Variants in TNFRSF19 observed in about 807,000 individuals in gnomAD.
TNFRSF19 encodes TNF receptor superfamily member 19, also known as tumor necrosis factor receptor superfamily member 19.
TNFRSF19 carries 27 observed loss-of-function variants against 46.4 expected under a neutral mutation model. That is an observed-to-expected ratio of 0.58 (90% CI 0.43 to 0.80). The LOEUF is 0.80. TNFRSF19 is among the 30% of genes least tolerant of loss of function. The pLI is 0.00. For missense variants in TNFRSF19, 511 were observed against 530.8 expected (o/e 0.96, Z 0.37); for synonymous variants, 204 against 205.0 (o/e 1.00, Z 0.04).
intron 3 of TNFRSF19, among the ~76,000 whole-genome samples, chr13:23,609,470 G>A (rs570726125): frequency 1.1e-3 from 168 of 152,134 alleles, no homozygotes; most frequent in African/African-American, 3.6e-3. Flanking sequence ...CCTAGAATTC[G>A]CCCAGCCCCA....
Position 23,668,672 on chromosome 13 carries a change from T to C in TNFRSF19, c.840-20T>C, listed in dbSNP as rs913237172. On this transcript the variant is annotated intron_variant, in intron 8 of 9. Transcript: ENST00000248484. ...TTTCTCCCCATCAAAAACTTTAAGTTCTTTTGAACGTGTGTGCAGAAACGC... is the reference window on the plus strand; with the variant it reads ...TTTCTCCCCATCAAAAACTTTAAGTCCTTTTGAACGTGTGTGCAGAAACGC... The C allele has an allele frequency of 6.3e-7, 1 of 1,590,270 alleles. No homozygotes were observed. Among genetic ancestry groups the C allele is most frequent in the African/African-American group, 1.4e-5 (1 of 73,946 alleles).
chr13:23,600,839 C>A (rs2138210029), intron 3 of TNFRSF19, among the ~76,000 whole-genome samples: 1 of 152,264 alleles, frequency 6.6e-6, no homozygotes, highest in South Asian at 2.1e-4. Context: ...TTACTAAAGG[C>A]CTGTTTATAG....
intron 4 of TNFRSF19, among the ~76,000 whole-genome samples, chr13:23,626,451 T>A (rs1882016473): frequency 6.6e-6 from 1 of 152,076 alleles, no homozygotes; most frequent in African/African-American, 2.4e-5. Flanking sequence ...TGACTTTATA[T>A]TCCCCCACCT....
chr13:23,672,261 C>A (rs1593308480), intron 9 of TNFRSF19, among the ~76,000 whole-genome samples: 1 of 152,200 alleles, frequency 6.6e-6, no homozygotes, highest in Non-Finnish European at 1.5e-5. Flanking sequence ...TTCCTATACA[C>A]ATCTCTCCAG....
intron 1 of TNFRSF19, among the ~76,000 whole-genome samples, chr13:23,589,005 G>T (rs534727583): frequency 9.1e-4 from 138 of 152,338 alleles, no homozygotes; most frequent in African/African-American, 3.2e-3. Flanking sequence ...AGCGGAGGCA[G>T]CTCTGCCCCC....
chr13:23,628,782 C>CAT (rs1027836631), intron 5 of TNFRSF19, among the ~76,000 whole-genome samples: 5 of 151,646 alleles, frequency 3.3e-5, no homozygotes, highest in African/African-American at 1.2e-4. Context: ...TATATATATA[C>CAT]ATATATATGT....
At chr13:23,660,640 TC>T (rs1884306182) in intron 7 of TNFRSF19, 150 bp downstream of exon 7, 2 of 916,106 alleles carry the variant, frequency 2.2e-6, no homozygotes, top group South Asian at 5.5e-5. Flanking sequence ...TTCTCCACCA[TC>T]TCCTGTTGGT....
rs1023523272 is a variant in TNFRSF19 at position 23,633,979 on chromosome 13, A to G, written c.445+7187A>G. On this transcript the variant is annotated intron_variant, in intron 5 of 9. Transcript: ENST00000248484. ...AATTGGTTTATATAATTATTTAGCTATTTCAAACACTTATTCTCCAGATAT... is the reference window on the plus strand; with the variant it reads ...AATTGGTTTATATAATTATTTAGCTGTTTCAAACACTTATTCTCCAGATAT... Among the ~76,000 whole-genome samples, 7 of 152,242 alleles carry G rather than the reference A, an allele frequency of 4.6e-5. 1 individual carries two copies. Among genetic ancestry groups the G allele is most frequent in the Middle Eastern group, 6.3e-3 (2 of 316 alleles).
chr13:23,614,040 C>T (rs1881080857), intron 3 of TNFRSF19, among the ~76,000 whole-genome samples: 1 of 152,200 alleles, frequency 6.6e-6, no homozygotes, highest in South Asian at 2.1e-4. Context: ...TCCCTGTTAA[C>T]AATTTTAAAG....
chr13:23,607,369 G>A (rs1880581000), intron 3 of TNFRSF19, among the ~76,000 whole-genome samples: 1 of 152,148 alleles, frequency 6.6e-6, no homozygotes, highest in African/African-American at 2.4e-5. Context: ...GGGAGGCAGA[G>A]TTGTGGTGAG....
At chr13:23,633,076 G>C (rs990227807) in intron 5 of TNFRSF19, among the ~76,000 whole-genome samples, 2 of 151,680 alleles carry the variant, frequency 1.3e-5, no homozygotes, top group East Asian at 3.9e-4. Context: ...CCCCAAAAAG[G>C]GGTGCAGGGA....
At chr13:23,626,508 A>G (rs545165872) in intron 4 of TNFRSF19, among the ~76,000 whole-genome samples, 199 bp from the exon 5 acceptor site, 2 of 152,098 alleles carry the variant, frequency 1.3e-5, no homozygotes, top group South Asian at 2.1e-4. Flanking sequence ...AGCATCTGCA[A>G]AGTTACGTTT....
At chr13:23,583,656 A>T (rs1878621707) in intron 1 of TNFRSF19, among the ~76,000 whole-genome samples, 2 of 152,242 alleles carry the variant, frequency 1.3e-5, no homozygotes, top group Admixed American at 1.3e-4. Context: ...GATTGGTCAC[A>T]TATGTGGAAA....
At chr13:23,630,882 A>C (rs1018150000) in intron 5 of TNFRSF19, among the ~76,000 whole-genome samples, 1 of 152,150 alleles carries the variant, frequency 6.6e-6, no homozygotes. Context: ...ACTTTATTTA[A>C]GTATGTTTAA....
intron 1 of TNFRSF19, among the ~76,000 whole-genome samples, chr13:23,582,502 G>A (rs909716354): frequency 3.3e-5 from 5 of 152,108 alleles, no homozygotes; most frequent in African/African-American, 4.8e-5. Flanking sequence ...CACTGTCTCC[G>A]ATAAATATTA....
intron 5 of TNFRSF19, among the ~76,000 whole-genome samples, chr13:23,638,290 A>T (rs1199485503): frequency 8.1e-6 from 1 of 123,984 alleles, no homozygotes; most frequent in African/African-American, 2.7e-5. Context: ...AATTGTTTTC[A>T]ATGTTAATGA....
In TNFRSF19 at chr13:23,577,862, T is replaced by C. The variant is rs147734447; in HGVS notation, c.-35+7014T>C. Among the ~76,000 whole-genome samples, 47 of 152,080 alleles carry C rather than the reference T, an allele frequency of 3.1e-4. No homozygotes were observed. In the East Asian group the frequency reaches 7.2e-3, roughly 23 times the overall value. On this transcript the variant is annotated intron_variant, in intron 1 of 9. Transcript: ENST00000248484. ...ATTCTTTACAGTGAGGAACCTCCTG[T>C]GACTCTTCAGCCTGACAGTAGCAGT... is the stretch of plus-strand genomic sequence containing the variant.
chr13:23,670,411 A>T (rs1951739844), intron 9 of TNFRSF19, among the ~76,000 whole-genome samples: 1 of 152,182 alleles, frequency 6.6e-6, no homozygotes, highest in Non-Finnish European at 1.5e-5. Context: ...AATTGGTTTC[A>T]TTCTCAAAAC....
At chr13:23,651,786 C>T (rs1323000160) in intron 5 of TNFRSF19, among the ~76,000 whole-genome samples, 3 of 141,332 alleles carry the variant, frequency 2.1e-5, no homozygotes, top group African/African-American at 7.9e-5. Flanking sequence ...AGCTGATTAA[C>T]TAGAATATAC....
Sources: gnomAD v4.1 joint callset for allele counts (sites outside exome capture counted in the v4.1 genomes callset) on GRCh38, gnomAD v4.1.1 for gene constraint, MANE v1.5 for transcripts, NCBI Gene and HGNC (gene_info 2026-07-23, HGNC 2026-07-21) for gene names.